Variants in RXRA observed in about 807,000 individuals in gnomAD.
RXRA encodes retinoid X receptor alpha.
A neutral mutation model predicts 44.5 loss-of-function variants in RXRA; 5 were observed. That is an observed-to-expected ratio of 0.11 (90% CI 0.06 to 0.24). RXRA has a LOEUF of 0.24. Ranked by LOEUF, RXRA falls within the 10% of genes least tolerant of loss-of-function variation. RXRA has a pLI of 1.00. For missense variants in RXRA, 412 were observed against 646.5 expected, an observed-to-expected ratio of 0.64 and a Z score of 3.93; for synonymous variants, 291 against 271.4, an observed-to-expected ratio of 1.07 and a Z score of -0.71.
At chr9:134,346,676 C>T (rs1830156630) in intron 1 of RXRA, among the ~76,000 whole-genome samples, 1 of 152,150 alleles carries the variant, frequency 6.6e-6, no homozygotes, top group African/African-American at 2.4e-5. Context: ...TGGGTGGATG[C>T]CCCCAAGGGT....
rs1831259162 is a variant in RXRA at position 134,417,599 on chromosome 9, T to G, written c.780+272T>G. On this transcript the variant is annotated intron_variant, in intron 5 of 9. Transcript: ENST00000481739. This position sits in a 1 kb window ranked among gnomAD's most constrained non-coding sequence, Gnocchi z 6.1. ...CGGGGCCTGGGGCCCTGCGGCCACATCATCATCCTCGGCCACCTCTGCTGG... is the reference window on the plus strand; with the variant it reads ...CGGGGCCTGGGGCCCTGCGGCCACAGCATCATCCTCGGCCACCTCTGCTGG... Among the ~76,000 whole-genome samples the G allele has an allele frequency of 6.6e-6, 1 of 151,736 alleles. No homozygotes were observed.
At chr9:134,419,563 AG>A (rs1407880061) in intron 5 of RXRA, among the ~76,000 whole-genome samples, 2 of 152,166 alleles carry the variant, frequency 1.3e-5, no homozygotes, top group African/African-American at 4.8e-5. Context: ...AGGTCCAGAG[AG>A]GGGGCGACCT....
intron 7 of RXRA, 77 bp from the exon 8 acceptor site, chr9:134,431,828 C>A: frequency 8.6e-7 from 1 of 1,165,906 alleles, no homozygotes; most frequent in Non-Finnish European, 1.3e-6. Flanking sequence ...TCTCCAGAGG[C>A]CTTGGGTATC....
intron 1 of RXRA, among the ~76,000 whole-genome samples, chr9:134,351,083 C>A (rs1554749391): frequency 6.6e-6 from 1 of 152,242 alleles, no homozygotes; most frequent in Non-Finnish European, 1.5e-5. Context: ...ACAAACACCG[C>A]ATTGTGAGGA....
chr9:134,425,061 A>G, intron 6 of RXRA: 1 of 985,414 alleles, frequency 1.0e-6, no homozygotes, highest in Non-Finnish European at 1.2e-6. Context: ...CGTGAGAGCC[A>G]TTGGCCATGC....
chr9:134,410,892 C>G (rs1026265219), intron 4 of RXRA, among the ~76,000 whole-genome samples: 1 of 152,212 alleles, frequency 6.6e-6, no homozygotes, highest in Admixed American at 6.5e-5. Flanking sequence ...CAGCAGTAAG[C>G]TCGCTGTCCT....
intron 1 of RXRA, among the ~76,000 whole-genome samples, chr9:134,376,971 G>A (rs1317710528): frequency 1.3e-5 from 2 of 152,222 alleles, no homozygotes; most frequent in Non-Finnish European, 2.9e-5. Context: ...GGCTGAGTGT[G>A]CGATTGTGTG....
intron 1 of RXRA, chr9:134,374,082 G>C (rs529500997): frequency 6.6e-6 from 1 of 152,318 alleles, no homozygotes; most frequent in South Asian, 2.1e-4. Context: ...GGCTGTCCAC[G>C]TGGCTGTCTG....
intron 1 of RXRA, among the ~76,000 whole-genome samples, chr9:134,347,697 G>A (rs1477451648): frequency 6.6e-6 from 1 of 152,096 alleles, no homozygotes; most frequent in East Asian, 1.9e-4. Context: ...CCGGTGGGGA[G>A]GTGGAGAAGG....
rs536552258 is a variant in RXRA at position 134,438,203 on chromosome 9, CG to C, written c.*1596del. The C allele has an allele frequency of 2.0e-5, 3 of 152,518 alleles. No individual in the cohort carries two copies. The highest frequency in any genetic ancestry group is 2.9e-5 in the Non-Finnish European group (2 of 68,134). 9.4% of individuals were successfully genotyped at this position (152,518 alleles called of 1,614,324 possible). A position where few individuals can be genotyped will look rare whatever the true frequency, so the allele number is the denominator to read the frequency against. On this transcript the variant is annotated 3_prime_UTR_variant, in exon 10 of 10. Transcript: ENST00000481739. ...TCCCAGCCGCAGTCTAGGAATGATG[CG>C]GGGGGGTGGACGCCTTCTCCATAGT...
intron 2 of RXRA, chr9:134,402,197 AGGCTGT>A (rs1275290855): frequency 2.5e-6 from 1 of 406,356 alleles, no homozygotes; most frequent in Non-Finnish European, 4.4e-6. Context: ...CAGCAGAGAG[AGGCTGT>A]GGCCTCCCTC....
In RXRA at chr9:134,440,167, G is replaced by A. The variant is rs1371999457; in HGVS notation, c.*3553G>A. 6.6e-6 allele frequency: 1 copy of A among 152,036 alleles called. No homozygotes were observed. The highest frequency in any genetic ancestry group is 2.4e-5 in the African/African-American group (1 of 41,368). 9.4% of individuals were successfully genotyped at this position (152,036 alleles called of 1,614,324 possible). A position where few individuals can be genotyped will look rare whatever the true frequency, so the allele number is the denominator to read the frequency against. Reference sequence around the variant, plus strand: ...ACTTGGATATGGCGGGGGGAGGGCTGGGACTGTTTCGTTTCTGCTTCTAGA... The same window carrying A: ...ACTTGGATATGGCGGGGGGAGGGCTAGGACTGTTTCGTTTCTGCTTCTAGA... On this transcript the variant is annotated 3_prime_UTR_variant, in exon 10 of 10. Coordinates refer to ENST00000481739, the MANE Select transcript of RXRA (RefSeq NM_002957.6).
At chr9:134,401,223 A>G (rs546050321) in intron 1 of RXRA, among the ~76,000 whole-genome samples, 33 of 152,276 alleles carry the variant, frequency 2.2e-4, no homozygotes, top group Admixed American at 3.3e-4. Flanking sequence ...TTATTCCCAG[A>G]CCTTCACCTT....
At chr9:134,339,805 G>T (rs4917351) in intron 1 of RXRA, among the ~76,000 whole-genome samples, 13,512 of 148,710 alleles carry the variant, frequency 0.091, 627 homozygotes, top group Admixed American at 0.16. Context: ...ATGAGTCTGT[G>T]TGTAAGCCTC....
intron 1 of RXRA, among the ~76,000 whole-genome samples, chr9:134,371,216 T>A (rs921027365): frequency 6.6e-6 from 1 of 151,898 alleles, no homozygotes; most frequent in African/African-American, 2.4e-5. Context: ...TGGGGCTGAG[T>A]GGGGTCCTTG....
rs564705780 is a variant in RXRA, at chr9:134,436,005, A to G, written c.1242-462A>G. Among the ~76,000 whole-genome samples, 4 of 152,134 alleles carry G rather than the reference A, an allele frequency of 2.6e-5. No homozygotes were observed. In the East Asian group the frequency reaches 5.8e-4, roughly 22 times the overall value. ...CAGGCATGCACCACCACGCCTTGCT[A>G]CTGTTTTTCTCTTTTTCTTTTGTAG... On this transcript the variant is annotated intron_variant, in intron 9 of 9. Transcript: ENST00000481739.
intron 1 of RXRA, among the ~76,000 whole-genome samples, chr9:134,327,611 T>C (rs1564255298): frequency 6.6e-6 from 1 of 152,250 alleles, no homozygotes; most frequent in East Asian, 1.9e-4. Context: ...CAGCTGATTA[T>C]GAATGAAGCC....
intron 1 of RXRA, among the ~76,000 whole-genome samples, chr9:134,369,643 A>C (rs1444371719): frequency 6.6e-6 from 1 of 151,882 alleles, no homozygotes; most frequent in Admixed American, 6.6e-5. Flanking sequence ...AGCCCCACCC[A>C]GGGCCTCCTC....
chr9:134,425,869 A>G (rs374278851), intron 6 of RXRA: 1 of 985,016 alleles, frequency 1.0e-6, no homozygotes, highest in Non-Finnish European at 1.2e-6. Flanking sequence ...CCAGACCACC[A>G]GGAGTCGGTG....
Sources: gnomAD v4.1 joint callset for allele counts (sites outside exome capture counted in the v4.1 genomes callset) on GRCh38, gnomAD v4.1.1 for gene constraint, Gnocchi (gnomAD v3.1) non-coding constraint, MANE v1.5 for transcripts, NCBI Gene and HGNC (gene_info 2026-07-23, HGNC 2026-07-21) for gene names.